Variants in MCM5 observed in about 807,000 individuals in gnomAD.
The protein encoded by MCM5 is DNA replication licensing factor MCM5.
MCM5 carries 46 observed loss-of-function variants against 79.9 expected under a neutral mutation model. The observed-to-expected ratio is 0.58, with a 90% CI of 0.45 to 0.74. The LOEUF is 0.74. Ranked by LOEUF, MCM5 falls within the 30% of genes least tolerant of loss-of-function variation. MCM5 has a pLI of 0.00. For missense variants in MCM5, 883 were observed against 1,017.0 expected, an observed-to-expected ratio of 0.87 and a Z score of 1.79; for synonymous variants, 404 against 390.5, an observed-to-expected ratio of 1.03 and a Z score of -0.41.
At chr22:35,410,473 C>T (rs993569121) in intron 6 of MCM5, 11 of 422,838 alleles carry the variant, frequency 2.6e-5, no homozygotes, top group East Asian at 2.1e-4. Flanking sequence ...AATGAGTTAG[C>T]GAGTTCAGCG....
chr22:35,400,392 C>T (rs1400794620), intron 1 of MCM5, 39 bp from the exon 2 acceptor site: 2 of 1,612,066 alleles, frequency 1.2e-6, no homozygotes, highest in African/African-American at 2.7e-5. Flanking sequence ...GTGCCAGGCG[C>T]TGCCCCCAGC....
the MCM5 span, among the ~76,000 whole-genome samples, chr22:35,442,394 A>T: frequency 0.016 from 2,429 of 152,282 alleles, 60 homozygotes; most frequent in African/African-American, 0.054. Context: ...GTGGCTTAAA[A>T]TAGCACACAT....
chr22:35,426,294 A>G (rs1444604171), downstream of MCM5, among the ~76,000 whole-genome samples: 1 of 152,186 alleles, frequency 6.6e-6, no homozygotes, highest in Non-Finnish European at 1.5e-5. Flanking sequence ...TGGGGAAAGC[A>G]AAGGCTGAGG....
Position 35,408,422 on chromosome 22 carries a change from G to T in MCM5, c.611G>T (p.Arg204Leu), listed in dbSNP as rs371319659. The change falls in exon 6 of 17, where the codon CGC (arginine) becomes CTC (leucine). Residue 204 changes from arginine to leucine, a missense_variant. Physicochemically the swap from Arg to Leu is moderately radical, Grantham distance 102. Around this residue, in one of 3 missense-constraint regions of MCM5, gnomAD observed 455 missense variants for 517.5 expected, o/e 0.88. Transcript: ENST00000216122. ...PRKCNTDQAG[R>L]PKCPLDPYFI... ...ACCTTGTACAGAGATCAGGCTGGGC[G>T]CCCCAAATGCCCATTGGACCCGTAC... The T allele has an allele frequency of 6.2e-7, 1 of 1,613,838 alleles. No homozygotes were observed. The highest frequency in any genetic ancestry group is 1.3e-5 in the African/African-American group (1 of 74,920).
Position 35,415,823 on chromosome 22 carries a change from C to T in MCM5, c.1204-6C>T. The T allele has an allele frequency of 6.2e-7, 1 of 1,610,522 alleles. No individual in the cohort carries two copies. Among genetic ancestry groups the T allele is most frequent in the Non-Finnish European group, 8.5e-7 (1 of 1,178,074 alleles). ...ATTGGGCCCTGACACCACCCCACTG[C>T]CCCAGGTATACACGTCTGGGAAAGG... On this transcript the variant is annotated splice_region_variant and splice_polypyrimidine_tract_variant and intron_variant, in intron 9 of 16. Coordinates refer to ENST00000216122, the MANE Select transcript of MCM5 (RefSeq NM_006739.4).
In MCM5 at chr22:35,419,746, C is replaced by T. The variant is rs1932644677; in HGVS notation, c.1704-138C>T. The T allele has an allele frequency of 8.9e-6, 7 of 782,554 alleles. No homozygotes were observed. The Admixed American group carries it at 1.4e-4, about 15-fold the overall frequency. The allele number at this position is 782,554 out of a possible 1,614,324, so 48.5% of individuals were successfully genotyped here. On this transcript the variant is annotated intron_variant, in intron 13 of 16. Coordinates refer to ENST00000216122, the MANE Select transcript of MCM5 (RefSeq NM_006739.4). Reference sequence around the variant, plus strand: ...CACTTAAATCTTTTCCGATTGTTGTCCCCCAGCCCATATGAGTGGGCAGCT... The same window carrying T: ...CACTTAAATCTTTTCCGATTGTTGTTCCCCAGCCCATATGAGTGGGCAGCT...
chr22:35,416,942 G>A, intron 12 of MCM5, 128 bp downstream of exon 12: 1 of 1,084,914 alleles, frequency 9.2e-7, no homozygotes, highest in Middle Eastern at 3.1e-4. Flanking sequence ...GTGAAATTGG[G>A]GAGCACGTGA....
At chr22:35,452,408 G>A in the MCM5 span, among the ~76,000 whole-genome samples, 5 of 152,330 alleles carry the variant, frequency 3.3e-5, no homozygotes, top group East Asian at 9.6e-4. Flanking sequence ...AGGGACTCTG[G>A]CTTCCTGGTC....
the MCM5 span, among the ~76,000 whole-genome samples, chr22:35,444,948 C>T: frequency 6.6e-6 from 1 of 152,232 alleles, no homozygotes. Flanking sequence ...CTCATGCAGC[C>T]CAGTGAACGC....
At chr22:35,453,819 TAGAGAGAG>T in the MCM5 span, among the ~76,000 whole-genome samples, 57 of 81,546 alleles carry the variant, frequency 7.0e-4, 1 homozygote, top group South Asian at 9.9e-4. Flanking sequence ...TATATATATA[TAGAGAGAG>T]AGAGAGAGAG....
At chr22:35,452,338 C>T in the MCM5 span, among the ~76,000 whole-genome samples, 11 of 152,300 alleles carry the variant, frequency 7.2e-5, no homozygotes, top group African/African-American at 2.4e-4. Flanking sequence ...AGATGTCACA[C>T]CCTGGAACCG....
the MCM5 span, among the ~76,000 whole-genome samples, chr22:35,440,080 G>A: frequency 1.3e-5 from 2 of 152,242 alleles, no homozygotes; most frequent in East Asian, 1.9e-4. Flanking sequence ...TTCACATGGA[G>A]ACATCATTTT....
chr22:35,450,055 A>G, the MCM5 span, among the ~76,000 whole-genome samples: 1 of 152,136 alleles, frequency 6.6e-6, no homozygotes, highest in Non-Finnish European at 1.5e-5. Context: ...CAGTACTGGG[A>G]TGGTTGGGCC....
At position 35,411,113 on chromosome 22, in the gene MCM5, T is replaced by C. The variant is rs968664317; in HGVS notation, c.919+203T>C. The C allele has an allele frequency of 1.6e-4, 77 of 494,776 alleles. 1 individual carries two copies. Among genetic ancestry groups the C allele is most frequent in the Non-Finnish European group, 2.6e-4 (74 of 279,660 alleles). The allele number at this position is 494,776 out of a possible 1,614,324, so 30.6% of individuals were successfully genotyped here. On this transcript the variant is annotated intron_variant, in intron 7 of 16. Transcript: ENST00000216122. ...CTGTGGCTCCTGGGCTGAGGGTGTT[T>C]GCCTAAGTGCAGGATTAAGGCAGAA... is the stretch of plus-strand genomic sequence containing the variant.
intron 5 of MCM5, among the ~76,000 whole-genome samples, chr22:35,407,171 C>T (rs751938364): frequency 3.9e-5 from 6 of 152,164 alleles, no homozygotes; most frequent in Non-Finnish European, 8.8e-5. Flanking sequence ...ACCTGGAATG[C>T]ACATCCTCCG....
At chr22:35,400,679 C>T (rs750696674) in intron 2 of MCM5, 74 bp downstream of exon 2, 839 of 1,461,742 alleles carry the variant, frequency 5.7e-4, no homozygotes, top group Non-Finnish European at 6.6e-4. Flanking sequence ...CTGCTAGAGT[C>T]CTGGACAGTC....
the MCM5 span, among the ~76,000 whole-genome samples, chr22:35,451,377 A>C: frequency 7.0e-4 from 107 of 152,380 alleles, no homozygotes; most frequent in South Asian, 1.9e-3. Context: ...AGCAAGGCGA[A>C]GAGATCGGCC....
At position 35,406,732 on chromosome 22, in the gene MCM5, C is replaced by A; in HGVS notation, c.596+7C>A. 7 of 1,605,388 alleles carry A rather than the reference C, an allele frequency of 4.4e-6. No individual in the cohort carries two copies. Among genetic ancestry groups the A allele is most frequent in the Non-Finnish European group, 5.9e-6 (7 of 1,179,850 alleles). ...TGCCCAGGAAGTGCAACACGTGAGT[C>A]TGTGGCCCAGAGGGACTGTGGGAGG... On this transcript the variant is annotated splice_region_variant and intron_variant, in intron 5 of 16. Coordinates refer to ENST00000216122, the MANE Select transcript of MCM5 (RefSeq NM_006739.4).
downstream of MCM5, among the ~76,000 whole-genome samples, chr22:35,426,416 G>C (rs1290681492): frequency 1.3e-5 from 2 of 152,298 alleles, no homozygotes; most frequent in East Asian, 3.9e-4. Flanking sequence ...GAGGCAGGGA[G>C]GTGGGGCAAG....
Sources: allele counts gnomAD v4.1 joint callset (sites outside exome capture counted in the v4.1 genomes callset), GRCh38; gene constraint gnomAD v4.1.1; regional missense constraint gnomAD v4.1.1; transcripts MANE v1.5; gene names NCBI Gene and HGNC (gene_info 2026-07-23, HGNC 2026-07-21).